TYW1B: variants seen among roughly 807,000 people sequenced by gnomAD.
The protein encoded by TYW1B is S-adenosyl-L-methionine-dependent tRNA 4-demethylwyosine synthase TYW1B.
Under a neutral mutation model 86.9 loss-of-function variants are expected in TYW1B, and 73 were observed. The ratio of observed to expected loss-of-function variants is 0.84; its 90% confidence interval spans 0.70 to 1.02. TYW1B has a LOEUF of 1.02. TYW1B is among the 50% of genes least tolerant of loss of function. TYW1B has a pLI of 0.00. For missense variants in TYW1B, 637 were observed against 827.4 expected (o/e 0.77, Z 2.82); for synonymous variants, 248 against 292.8 (o/e 0.85, Z 1.56).
intron 10 of TYW1B, among the ~76,000 whole-genome samples, chr7:72,708,049 C>A (rs1814654910): frequency 6.6e-6 from 1 of 152,194 alleles, no homozygotes; most frequent in Admixed American, 6.5e-5. Context: ...TCCTCTACAA[C>A]CTGCAGAACT....
chr7:72,750,408 G>C (rs1554464869), intron 7 of TYW1B, among the ~76,000 whole-genome samples: 1 of 152,044 alleles, frequency 6.6e-6, no homozygotes, highest in African/African-American at 2.4e-5. Context: ...TGCTTCCATG[G>C]TTTCAGATGA....
chr7:72,814,430 A>G (rs1554478975), intron 3 of TYW1B, among the ~76,000 whole-genome samples: 1 of 151,938 alleles, frequency 6.6e-6, no homozygotes, highest in Non-Finnish European at 1.5e-5. Flanking sequence ...TAAAACTACA[A>G]AAAATTAGCC....
intron 2 of TYW1B, among the ~76,000 whole-genome samples, chr7:72,816,613 A>G (rs13307775): frequency 6.6e-6 from 1 of 152,186 alleles, no homozygotes; most frequent in African/African-American, 2.4e-5. Context: ...ACAGAGGCTC[A>G]TTGCCAGAGA....
chr7:72,809,593 A>G (rs1319930095), intron 4 of TYW1B, among the ~76,000 whole-genome samples: 1 of 152,164 alleles, frequency 6.6e-6, no homozygotes, highest in Admixed American at 6.6e-5. Flanking sequence ...TTCAAGGTTC[A>G]GAGAATGCTG....
At chr7:72,725,625 A>G (rs1471874317) in intron 9 of TYW1B, among the ~76,000 whole-genome samples, 1 of 152,102 alleles carries the variant, frequency 6.6e-6, no homozygotes, top group African/African-American at 2.4e-5. Flanking sequence ...AGTAAAGTAG[A>G]TTGCCCGTCA....
chr7:72,716,167 G>A (rs1563069684), intron 9 of TYW1B, among the ~76,000 whole-genome samples: 1 of 152,172 alleles, frequency 6.6e-6, no homozygotes, highest in Non-Finnish European at 1.5e-5. Flanking sequence ...TCGATCTCCT[G>A]ACCTCGTGAT....
intron 13 of TYW1B, among the ~76,000 whole-genome samples, chr7:72,605,548 T>G (rs1451570546): frequency 6.6e-6 from 1 of 152,052 alleles, no homozygotes; most frequent in Non-Finnish European, 1.5e-5. Flanking sequence ...GAGATGGGGT[T>G]TCACCATATT....
In TYW1B at chr7:72,706,132, A is replaced by G. The variant is rs142698281; in HGVS notation, c.1370+7489T>C. Among the ~76,000 whole-genome samples, 86 of 152,336 alleles carry G rather than the reference A, an allele frequency of 5.6e-4. 1 individual carries two copies. The highest frequency in any genetic ancestry group is 2.0e-3 in the African/African-American group (84 of 41,582). On this transcript the variant is annotated intron_variant, in intron 10 of 13. Transcript: ENST00000620995. ...AATGCGGATTGCATATGAAACACAC[A>G]TGAATATTCTCTCCGGCCAGGCACA...
intron 11 of TYW1B, among the ~76,000 whole-genome samples, chr7:72,687,294 G>A (rs528617222): frequency 1.3e-5 from 2 of 152,260 alleles, no homozygotes; most frequent in East Asian, 3.9e-4. Context: ...AATTAGCTGG[G>A]CATGGTGGTG....
At chr7:72,700,988 G>A (rs1430888501) in intron 10 of TYW1B, among the ~76,000 whole-genome samples, 3 of 151,826 alleles carry the variant, frequency 2.0e-5, no homozygotes, top group Admixed American at 6.6e-5. Context: ...TGCTTGAATC[G>A]GGGAGGCGGA....
chr7:72,672,275 A>G (rs1813625116), intron 11 of TYW1B, among the ~76,000 whole-genome samples: 2 of 151,858 alleles, frequency 1.3e-5, no homozygotes, highest in South Asian at 4.2e-4. Context: ...TGTTTTGTGA[A>G]TTGCTCAGTC....
At chr7:72,796,907 G>A (rs1473499379) in intron 6 of TYW1B, among the ~76,000 whole-genome samples, 2 of 138,320 alleles carry the variant, frequency 1.4e-5, no homozygotes, top group South Asian at 2.4e-4. Context: ...TGGGTCAAGC[G>A]ATTCTCCCGC....
intron 13 of TYW1B, among the ~76,000 whole-genome samples, chr7:72,606,582 T>C (rs1196572920): frequency 2.1e-5 from 3 of 143,442 alleles, no homozygotes; most frequent in African/African-American, 7.7e-5. Flanking sequence ...AACCAGGACT[T>C]CTGCCACCAC....
chr7:72,642,575 A>G (rs1261876513), intron 11 of TYW1B, among the ~76,000 whole-genome samples: 1 of 152,208 alleles, frequency 6.6e-6, no homozygotes, highest in African/African-American at 2.4e-5. Flanking sequence ...AATATAGTAC[A>G]TATCCATCCA....
intron 10 of TYW1B, among the ~76,000 whole-genome samples, chr7:72,695,950 T>TTTTC (rs1814307978): frequency 0.024 from 1 of 42 alleles, no homozygotes; most frequent in Non-Finnish European, 0.083. Flanking sequence ...TTTTCTTTTC[T>TTTTC]TTTTTTTTTT....
intron 13 of TYW1B, among the ~76,000 whole-genome samples, chr7:72,593,435 A>C (rs1811448368): frequency 6.6e-6 from 1 of 152,200 alleles, no homozygotes; most frequent in African/African-American, 2.4e-5. Flanking sequence ...TTTTCCAGGA[A>C]AGGCGGTAAG....
intron 11 of TYW1B, among the ~76,000 whole-genome samples, chr7:72,642,573 A>T (rs548456168): frequency 6.6e-6 from 1 of 152,328 alleles, no homozygotes; most frequent in Admixed American, 6.5e-5. Flanking sequence ...AAAATATAGT[A>T]CATATCCATC....
At chr7:72,604,693 G>A (rs566085195) in intron 13 of TYW1B, among the ~76,000 whole-genome samples, 1 of 152,222 alleles carries the variant, frequency 6.6e-6, no homozygotes, top group East Asian at 1.9e-4. Flanking sequence ...TAGGACCAAG[G>A]TTACATTTAA....
At chr7:72,817,683 A>G (rs1788750001) in intron 2 of TYW1B, among the ~76,000 whole-genome samples, 1 of 152,088 alleles carries the variant, frequency 6.6e-6, no homozygotes, top group African/African-American at 2.4e-5. Context: ...ACAAAAACAC[A>G]GATTTATTGA....
Sources: gnomAD v4.1 joint callset for allele counts (sites outside exome capture counted in the v4.1 genomes callset) on GRCh38, gnomAD v4.1.1 for gene constraint, MANE v1.5 for transcripts, NCBI Gene and HGNC (gene_info 2026-07-23, HGNC 2026-07-21) for gene names.